The following SYT1 variants were observed in gnomAD, a reference collection of about 807,000 sequenced individuals.
SYT1 encodes the protein synaptotagmin-1.
SYT1 carries 8 observed loss-of-function variants against 44.8 expected under a neutral mutation model. The ratio of observed to expected loss-of-function variants is 0.18; its 90% CI spans 0.10 to 0.32. The LOEUF (loss-of-function observed/expected upper bound fraction) is 0.32. Among genes scored for constraint, SYT1 ranks in the 10% least tolerant of loss-of-function variants. The probability of loss-of-function intolerance (pLI) is 1.00; values close to 1 mark genes in which losing one functional copy is unlikely to be tolerated. For synonymous variants in SYT1, 154 were observed against 188.8 expected (o/e 0.82, Z 1.51); for missense variants, 286 against 509.3 (o/e 0.56, Z 4.22).
intron 9 of SYT1, among the ~76,000 whole-genome samples, chr12:79,415,554 A>G (rs1312002734): frequency 6.6e-6 from 1 of 152,214 alleles, no homozygotes; most frequent in Non-Finnish European, 1.5e-5. Flanking sequence ...GATAGCACAT[A>G]AATAGCTGCC....
Position 79,269,375 on chromosome 12 carries a change from T to C in SYT1, c.167-16412T>C, listed in dbSNP as rs374354496. On this transcript the variant is annotated intron_variant, in intron 4 of 10. Transcript: ENST00000261205. ...TAACTGTATTGCCTCCTATCTCTAGTTTTATTTTCTGGGAGTTAGTCTTTC... is the reference window on the plus strand; with the variant it reads ...TAACTGTATTGCCTCCTATCTCTAGCTTTATTTTCTGGGAGTTAGTCTTTC... Among the ~76,000 whole-genome samples the C allele has an allele frequency of 4.7e-4, 71 of 152,216 alleles. 2 individuals are homozygous for C. Among genetic ancestry groups the C allele is most frequent in the African/African-American group, 1.7e-3 (71 of 41,530 alleles).
chr12:79,168,289 C>T (rs918076693), intron 3 of SYT1, among the ~76,000 whole-genome samples: 10 of 152,042 alleles, frequency 6.6e-5, no homozygotes, highest in Non-Finnish European at 1.3e-4. Context: ...TGAGGGAAGT[C>T]CTAACTCAAT....
chr12:78,924,076 A>G (rs1486174400), intron 1 of SYT1, among the ~76,000 whole-genome samples: 5 of 151,858 alleles, frequency 3.3e-5, no homozygotes, highest in Non-Finnish European at 4.4e-5. Context: ...TAGTCTCTCA[A>G]TTTAAGTTTG....
At chr12:78,990,937 T>A (rs558702902) in intron 2 of SYT1, among the ~76,000 whole-genome samples, 2 of 152,218 alleles carry the variant, frequency 1.3e-5, no homozygotes, top group East Asian at 3.9e-4. Context: ...CATGAAGGAA[T>A]AAAGTATTGA....
chr12:79,067,439 TATAA>T (rs1875949495), intron 3 of SYT1, among the ~76,000 whole-genome samples: 1 of 152,176 alleles, frequency 6.6e-6, no homozygotes, highest in African/African-American at 2.4e-5. Flanking sequence ...ACTATATCTA[TATAA>T]ATATAGTCAT....
intron 3 of SYT1, among the ~76,000 whole-genome samples, chr12:79,164,348 T>C (rs1871122516): frequency 6.6e-6 from 1 of 152,128 alleles, no homozygotes; most frequent in African/African-American, 2.4e-5. Context: ...CTAAACTAGA[T>C]TGCCCTCTCA....
At chr12:78,876,935 A>G (rs1236530590) in intron 1 of SYT1, among the ~76,000 whole-genome samples, 1 of 103,524 alleles carries the variant, frequency 9.7e-6, no homozygotes, top group Admixed American at 1.4e-4. Context: ...TATATTATAT[A>G]TTATATATAG....
At chr12:79,246,003 A>G (rs1876830697) in intron 4 of SYT1, among the ~76,000 whole-genome samples, 1 of 152,200 alleles carries the variant, frequency 6.6e-6, no homozygotes, top group Admixed American at 6.5e-5. Context: ...ATAGTATGAG[A>G]TAAATGTTTA....
chr12:78,946,520 T>G (rs1045276643), intron 1 of SYT1, among the ~76,000 whole-genome samples: 1 of 151,842 alleles, frequency 6.6e-6, no homozygotes, highest in African/African-American at 2.4e-5. Flanking sequence ...CCAGGTGTGG[T>G]GGCACACACC....
intron 9 of SYT1, among the ~76,000 whole-genome samples, chr12:79,365,655 T>C (rs1289715393): frequency 6.6e-6 from 1 of 152,078 alleles, no homozygotes; most frequent in East Asian, 1.9e-4. Flanking sequence ...TCCTAAAATT[T>C]ACTTGCTGCT....
At chr12:79,278,440 G>T (rs1592924406) in intron 4 of SYT1, among the ~76,000 whole-genome samples, 1 of 135,148 alleles carries the variant, frequency 7.4e-6, no homozygotes, top group Admixed American at 7.0e-5. Flanking sequence ...AATTAAGACA[G>T]AAATTTTTAA....
intron 1 of SYT1, among the ~76,000 whole-genome samples, chr12:78,900,816 C>T (rs755580503): frequency 1.3e-5 from 2 of 152,196 alleles, no homozygotes; most frequent in Middle Eastern, 3.4e-3. Context: ...TTTATAGTTA[C>T]ATGAATTTGG....
At chr12:78,958,455 G>A (rs955720759) in intron 1 of SYT1, among the ~76,000 whole-genome samples, 3 of 152,098 alleles carry the variant, frequency 2.0e-5, no homozygotes, top group Admixed American at 6.6e-5. Context: ...AGCACTTTGG[G>A]AGGCTGAGGT....
At chr12:79,082,943 A>G (rs906525721) in intron 3 of SYT1, among the ~76,000 whole-genome samples, 8 of 152,200 alleles carry the variant, frequency 5.3e-5, no homozygotes, top group Non-Finnish European at 8.8e-5. Context: ...TTTTAATGAA[A>G]AAACAAAAAT....
chr12:78,989,484 C>T (rs1027361766), intron 2 of SYT1, among the ~76,000 whole-genome samples: 8 of 152,096 alleles, frequency 5.3e-5, no homozygotes, highest in African/African-American at 1.7e-4. Flanking sequence ...CTAGCCCCCC[C>T]GTTCCCAGAC....
chr12:79,249,949 A>G (rs542310333), intron 4 of SYT1, among the ~76,000 whole-genome samples: 105 of 148,630 alleles, frequency 7.1e-4, no homozygotes, highest in African/African-American at 2.5e-3. Flanking sequence ...CAGACCAAAT[A>G]AAAAAAAAAT....
At chr12:79,405,208 T>C (rs1223072755) in intron 9 of SYT1, among the ~76,000 whole-genome samples, 1 of 152,186 alleles carries the variant, frequency 6.6e-6, no homozygotes, top group Non-Finnish European at 1.5e-5. Flanking sequence ...TCAAATGAAA[T>C]CTGCAAAGCC....
chr12:78,995,042 G>A (rs1870281062), intron 2 of SYT1, among the ~76,000 whole-genome samples: 1 of 152,032 alleles, frequency 6.6e-6, no homozygotes, highest in Admixed American at 6.5e-5. Flanking sequence ...ACTTCACCCT[G>A]GATCACCTGG....
chr12:78,921,348 G>C (rs1376654043), intron 1 of SYT1, among the ~76,000 whole-genome samples: 1 of 151,928 alleles, frequency 6.6e-6, no homozygotes, highest in Non-Finnish European at 1.5e-5. Flanking sequence ...CGATACTCAA[G>C]TTTGTTGTAA....
Sources: gnomAD v4.1 joint callset for allele counts (sites outside exome capture counted in the v4.1 genomes callset) on GRCh38, gnomAD v4.1.1 for gene constraint, MANE v1.5 for transcripts, NCBI Gene and HGNC (gene_info 2026-07-23, HGNC 2026-07-21) for gene names.